The following COL4A3 variants were observed in gnomAD, a reference collection of about 807,000 sequenced individuals.
COL4A3 encodes collagen alpha-3(IV) chain.
COL4A3 carries 135 observed loss-of-function variants against 217.4 expected under a neutral mutation model. That is an observed-to-expected ratio of 0.62 (90% confidence interval 0.54 to 0.72). The LOEUF is 0.72. COL4A3 is among the 30% of genes least tolerant of loss of function. COL4A3 has a pLI of 0.00. For missense variants in COL4A3, 1,868 were observed against 2,119.9 expected (o/e 0.88, Z 2.33); for synonymous variants, 690 against 736.3 (o/e 0.94, Z 1.02).
intron 26 of COL4A3, among the ~76,000 whole-genome samples, chr2:227,275,774 A>G (rs534998763): frequency 4.6e-5 from 7 of 152,204 alleles, no homozygotes; most frequent in Non-Finnish European, 7.3e-5. Context: ...CCTTGCCCAT[A>G]TCAAAACTTA....
Position 227,244,375 on chromosome 2 carries a change from C to T in COL4A3, c.279+11C>T. 6.2e-7 allele frequency: 1 copy of T among 1,612,698 alleles called. No homozygotes were observed. The highest frequency in any genetic ancestry group is 1.1e-5 in the South Asian group (1 of 91,040). On this transcript the variant is annotated intron_variant, in intron 4 of 51. Transcript: ENST00000396578. ...TCCAAAGGTGTAAGGGTTAGTAGTCCAACCAGTCCACCCTGATCGTTAAAA... is the reference window on the plus strand; with the variant it reads ...TCCAAAGGTGTAAGGGTTAGTAGTCTAACCAGTCCACCCTGATCGTTAAAA...
chr2:227,186,103 C>A (rs549573701), intron 1 of COL4A3, among the ~76,000 whole-genome samples: 39 of 152,294 alleles, frequency 2.6e-4, no homozygotes, highest in African/African-American at 8.9e-4. Context: ...GTGTTAGTCA[C>A]GCCTTCTGTT....
chr2:227,306,773 A>T (rs2073519362), intron 47 of COL4A3, among the ~76,000 whole-genome samples: 2 of 152,116 alleles, frequency 1.3e-5, no homozygotes, highest in South Asian at 4.2e-4. Flanking sequence ...AGGGGCAACA[A>T]AACTAATTCC....
intron 1 of COL4A3, chr2:227,237,646 A>G (rs1482708168): frequency 3.6e-6 from 1 of 275,394 alleles, no homozygotes; most frequent in Non-Finnish European, 7.1e-6. Context: ...GTTTCCATAT[A>G]TAAATTATTA....
In COL4A3 at chr2:227,164,962, C is replaced by A. The variant is rs112353086; in HGVS notation, c.87+149C>A. On this transcript the variant is annotated intron_variant, in intron 1 of 51. Transcript: ENST00000396578. This position sits in a 1 kb window ranked among gnomAD's most constrained non-coding sequence, Gnocchi z 4.8. The stretch of plus-strand genomic sequence containing the variant: ...TGAGGGCTTCACGCAGGTCCCGGGA[C>A]AGGCAGCGAGCGGAAGGGAGCAAGC... The A allele has an allele frequency of 1.9e-6, 2 of 1,045,592 alleles. No individual in the cohort carries two copies. The highest frequency in any genetic ancestry group is 2.6e-6 in the Non-Finnish European group (2 of 766,708). The allele number at this position is 1,045,592 out of a possible 1,614,324, so 64.8% of individuals were successfully genotyped here.
chr2:227,240,607 C>T (rs2068967180), intron 3 of COL4A3, among the ~76,000 whole-genome samples: 1 of 152,162 alleles, frequency 6.6e-6, no homozygotes. Context: ...AGGTGCCTCC[C>T]CTCTCTCCGG....
intron 2 of COL4A3, among the ~76,000 whole-genome samples, chr2:227,238,931 C>T (rs4675155): frequency 0.86 from 130,225 of 151,922 alleles, 55,993 homozygotes; most frequent in Admixed American, 0.9. Flanking sequence ...CAAGATGCTA[C>T]TGTAGGGTGT....
intron 1 of COL4A3, among the ~76,000 whole-genome samples, chr2:227,230,488 C>T (rs1207577242): frequency 2.0e-5 from 3 of 152,040 alleles, no homozygotes; most frequent in Non-Finnish European, 2.9e-5. Flanking sequence ...TAAGAAATAT[C>T]CATTAGTTAT....
At position 227,203,763 on chromosome 2, in the gene COL4A3, A is replaced by ATGTGTATATATACATATATG. The variant is rs1559823721; in HGVS notation, c.88-34192_88-34173dup. 1.8e-4 allele frequency among the ~76,000 whole-genome samples: 21 copies of ATGTGTATATATACATATATG among 118,586 alleles called. 3 individuals carry two copies. The highest frequency in any genetic ancestry group is 4.3e-4 in the African/African-American group (11 of 25,800). The allele number at this position is 118,586 out of a possible 152,430, so 77.8% of individuals were successfully genotyped here. A position where few individuals can be genotyped will look rare whatever the true frequency, so the allele number is the denominator to read the frequency against. On this transcript the variant is annotated intron_variant, in intron 1 of 51. Coordinates refer to ENST00000396578, the MANE Select transcript of COL4A3 (RefSeq NM_000091.5). The stretch of plus-strand genomic sequence containing the variant: ...TATATATACATATATGTGTGTATAT[A>ATGTGTATATATACATATATG]TGTGTATATATACATATATGTGTGT...
intron 38 of COL4A3, chr2:227,293,678 G>A (rs1222389835): frequency 4.1e-6 from 2 of 482,020 alleles, no homozygotes; most frequent in East Asian, 1.3e-4. Flanking sequence ...AACTACACTT[G>A]ATGTTAGCCA....
Position 227,309,469 on chromosome 2 carries a change from C to CT in COL4A3, c.4755+162dup, listed in dbSNP as rs1037834555. 6.1e-3 allele frequency: 2,960 copies of CT among 486,460 alleles called. 1 individual carries two copies. Among genetic ancestry groups the CT allele is most frequent in the Middle Eastern group, 7.5e-3 (13 of 1,742 alleles). The allele number at this position is 486,460 out of a possible 1,614,324, so 30.1% of individuals were successfully genotyped here. On this transcript the variant is annotated intron_variant, in intron 50 of 51. Transcript: ENST00000396578. ...ATTTCCTTGAAAATCTACAAACAGA[C>CT]TTTTTTTTTTTACTTTTGGTAAATA... is the stretch of plus-strand genomic sequence containing the variant.
At position 227,282,275 on chromosome 2, in the gene COL4A3, A is replaced by ATATATATATACATATATATATAT. The variant is rs1559896717; in HGVS notation, c.2489-90_2489-89insTATATATATACATATATATATAT. The ATATATATATACATATATATATAT allele has an allele frequency of 8.4e-4, 299 of 354,522 alleles. 4 individuals are homozygous for ATATATATATACATATATATATAT. The highest frequency in any genetic ancestry group is 7.0e-3 in the African/African-American group (281 of 40,022). 22.0% of individuals were successfully genotyped at this position (354,522 alleles called of 1,614,324 possible). On this transcript the variant is annotated intron_variant, in intron 31 of 51. Transcript: ENST00000396578. This position sits in a 1 kb window ranked among gnomAD's most constrained non-coding sequence, Gnocchi z 4.4. The stretch of plus-strand genomic sequence containing the variant: ...AGACAGAGGGAGATTCCATCTTAAA[A>ATATATATATACATATATATATAT]ATATATATATATATATATATATATA...
At chr2:227,241,769 G>A (rs1363508352) in intron 3 of COL4A3, among the ~76,000 whole-genome samples, 1 of 152,158 alleles carries the variant, frequency 6.6e-6, no homozygotes, top group Non-Finnish European at 1.5e-5. Context: ...TACTGCATAT[G>A]TACTCTGTGC....
chr2:227,167,711 G>A (rs2065328720), intron 1 of COL4A3, among the ~76,000 whole-genome samples: 1 of 152,052 alleles, frequency 6.6e-6, no homozygotes, highest in Admixed American at 6.5e-5. Context: ...AAAACAAAAA[G>A]TAATGGAACA....
intron 1 of COL4A3, among the ~76,000 whole-genome samples, chr2:227,205,216 A>G (rs74348700): frequency 0.14 from 21,762 of 152,098 alleles, 1,675 homozygotes; most frequent in Non-Finnish European, 0.16. Flanking sequence ...AAAAAATGTT[A>G]TGAGGTTATG....
In COL4A3 at chr2:227,286,290, G is replaced by A. The variant is rs560384125; in HGVS notation, c.2881+1945G>A. Among the ~76,000 whole-genome samples the A allele has an allele frequency of 5.8e-3, 833 of 144,200 alleles. 10 individuals are homozygous for A. Among genetic ancestry groups the A allele is most frequent in the African/African-American group, 0.019 (766 of 39,846 alleles). The allele number at this position is 144,200 out of a possible 152,430, so 94.6% of individuals were successfully genotyped here. A position where few individuals can be genotyped will look rare whatever the true frequency, so the allele number is the denominator to read the frequency against. ...GTGGATCACCTGAGGTCAGGAGTTC[G>A]AGACCAGCCTGGCCAACATGGCAAA... On this transcript the variant is annotated intron_variant, in intron 34 of 51. Coordinates refer to ENST00000396578, the MANE Select transcript of COL4A3 (RefSeq NM_000091.5).
intron 43 of COL4A3, among the ~76,000 whole-genome samples, chr2:227,299,211 T>C (rs985018313): frequency 6.6e-6 from 1 of 152,122 alleles, no homozygotes; most frequent in Non-Finnish European, 1.5e-5. Flanking sequence ...CTGGCTAACA[T>C]GGTGAAACCC....
At position 227,164,846 on chromosome 2, in the gene COL4A3, A is replaced by G; in HGVS notation, c.87+33A>G. On this transcript the variant is annotated intron_variant, in intron 1 of 51. Transcript: ENST00000396578. The surrounding 1 kb of genome is among the most constrained non-coding windows in gnomAD (Gnocchi z 4.8). ...GGGGCTGCGCGACCCCCACCCCCGC[A>G]CTTCCATCCCTCCTCCACGCGTCCG... 1.3e-6 allele frequency: 2 copies of G among 1,482,392 alleles called. No homozygotes were observed. The highest frequency in any genetic ancestry group is 1.8e-6 in the Non-Finnish European group (2 of 1,123,644). The allele number at this position is 1,482,392 out of a possible 1,614,324, so 91.8% of individuals were successfully genotyped here.
chr2:227,241,997 T>C (rs187699912), intron 3 of COL4A3, among the ~76,000 whole-genome samples: 25 of 152,224 alleles, frequency 1.6e-4, no homozygotes, highest in Non-Finnish European at 2.8e-4. Flanking sequence ...TGTGTGGGAT[T>C]TTCCTCAAAC....
Sources: gnomAD v4.1 joint callset for allele counts (sites outside exome capture counted in the v4.1 genomes callset) on GRCh38, gnomAD v4.1.1 for gene constraint, Gnocchi (gnomAD v3.1) non-coding constraint, MANE v1.5 for transcripts, NCBI Gene and HGNC (gene_info 2026-07-23, HGNC 2026-07-21) for gene names.